ATP1B3: variants seen among roughly 807,000 people sequenced by gnomAD.
The protein encoded by ATP1B3 is sodium/potassium-transporting ATPase subunit beta-3.
In ATP1B3, 10 loss-of-function variants were observed where a neutral mutation model predicts 30.2. That is an observed-to-expected ratio of 0.33 (90% CI 0.20 to 0.56). The LOEUF (loss-of-function observed/expected upper bound fraction) is 0.56. ATP1B3 is among the 20% of genes least tolerant of loss of function. ATP1B3 has a pLI of 0.90. For synonymous variants in ATP1B3, 113 were observed against 117.0 expected (o/e 0.97, Z 0.22); for missense variants, 238 against 336.7 (o/e 0.71, Z 2.29).
Position 141,885,950 on chromosome 3 carries a change from A to T in ATP1B3, c.109+9040A>T, listed in dbSNP as rs190172804. Among the ~76,000 whole-genome samples, 266 of 151,622 alleles carry T rather than the reference A, an allele frequency of 1.8e-3. 2 individuals are homozygous for T. Among genetic ancestry groups the T allele is most frequent in the African/African-American group, 6.1e-3 (254 of 41,338 alleles). On this transcript the variant is annotated intron_variant, in intron 1 of 6. Transcript: ENST00000286371. ...CCCTGTAGTGTTGTTGACCCTGGGG[A>T]AAGTGGGTCTTAACTACTGGTGCAT...
rs767830735 is a variant in ATP1B3 at position 141,903,665 on chromosome 3, C to T, written c.155C>T (p.Ala52Val). 27 of 1,613,930 alleles carry T rather than the reference C, an allele frequency of 1.7e-5. No homozygotes were observed. The African/African-American group carries it at 3.3e-4, about 20-fold the overall frequency. Residue 52 changes from alanine to valine, a missense_variant, in exon 2 of 7, where the codon GCA (alanine) becomes GTA (valine). By Grantham distance (64) the Ala-to-Val change is moderately conservative (BLOSUM62 0). Transcript: ENST00000286371. The stretch of plus-strand genomic sequence containing the variant: ...CTAGTTTTTTATGGGTTCCTGGCTG[C>T]ACTCTTCTCATTCACGATGTGGGTT... ...FYLVFYGFLA[A>V]LFSFTMWVML... is the part of the protein sequence containing the mutation.
At chr3:141,898,323 G>T (rs933563617) in intron 1 of ATP1B3, among the ~76,000 whole-genome samples, 21 of 152,282 alleles carry the variant, frequency 1.4e-4, no homozygotes, top group African/African-American at 5.1e-4. Flanking sequence ...AGGATAACTT[G>T]TGGAATGGGA....
intron 1 of ATP1B3, among the ~76,000 whole-genome samples, chr3:141,885,563 C>T (rs1257085846): frequency 6.6e-6 from 1 of 152,156 alleles, no homozygotes; most frequent in Non-Finnish European, 1.5e-5. Flanking sequence ...ATTCTCCTGT[C>T]TTAGCCTCCC....
At chr3:141,922,096 C>T in intron 6 of ATP1B3, 33 bp downstream of exon 6, 1 of 1,322,042 alleles carries the variant, frequency 7.6e-7, no homozygotes, top group African/African-American at 1.5e-5. Context: ...GTGGTGATTA[C>T]TCTTTTGGGA....
chr3:141,923,894 G>A (rs908782399), intron 6 of ATP1B3, among the ~76,000 whole-genome samples: 4 of 152,232 alleles, frequency 2.6e-5, no homozygotes, highest in Non-Finnish European at 4.4e-5. Context: ...CAAAAGAAAT[G>A]TTGAGTTCTC....
chr3:141,900,593 T>A (rs1934145039), intron 1 of ATP1B3, among the ~76,000 whole-genome samples: 1 of 152,064 alleles, frequency 6.6e-6, no homozygotes, highest in Non-Finnish European at 1.5e-5. Context: ...GAAGTGTGGG[T>A]AGTGGGAGGA....
intron 1 of ATP1B3, among the ~76,000 whole-genome samples, chr3:141,895,335 C>T (rs1482867996): frequency 6.6e-6 from 1 of 151,744 alleles, no homozygotes; most frequent in Non-Finnish European, 1.5e-5. Flanking sequence ...ATTACAGGTG[C>T]CCGCTACCAT....
At chr3:141,898,303 G>T (rs898949743) in intron 1 of ATP1B3, among the ~76,000 whole-genome samples, 5 of 152,092 alleles carry the variant, frequency 3.3e-5, no homozygotes, top group African/African-American at 1.2e-4. Flanking sequence ...AACATTATTA[G>T]GAAAGTAAAA....
chr3:141,917,011 C>T (rs1218601585), intron 5 of ATP1B3, among the ~76,000 whole-genome samples: 2 of 137,400 alleles, frequency 1.5e-5, no homozygotes. Context: ...CAGGCGCTCC[C>T]GGCTAATTTT....
At chr3:141,886,580 A>G (rs1422776163) in intron 1 of ATP1B3, among the ~76,000 whole-genome samples, 3 of 152,244 alleles carry the variant, frequency 2.0e-5, no homozygotes, top group South Asian at 2.1e-4. Context: ...TACTTGATGC[A>G]TCTCAGAATA....
At chr3:141,901,271 C>T (rs762928472) in intron 1 of ATP1B3, among the ~76,000 whole-genome samples, 7 of 152,150 alleles carry the variant, frequency 4.6e-5, no homozygotes, top group African/African-American at 1.4e-4. Flanking sequence ...TAAGTCAGGA[C>T]GCCGCCATTT....
intron 4 of ATP1B3, among the ~76,000 whole-genome samples, 193 bp from the exon 5 acceptor site, chr3:141,915,777 A>T (rs748746732): frequency 6.6e-6 from 1 of 152,184 alleles, no homozygotes; most frequent in Non-Finnish European, 1.5e-5. Flanking sequence ...CAGTAATAAG[A>T]TATCTGATTG....
chr3:141,903,502 T>C, intron 1 of ATP1B3, 118 bp from the exon 2 acceptor site: 1 of 1,441,138 alleles, frequency 6.9e-7, no homozygotes, highest in South Asian at 1.3e-5. Flanking sequence ...GCTATGTGCA[T>C]GGCAAAGCTT....
intron 1 of ATP1B3, among the ~76,000 whole-genome samples, chr3:141,897,394 C>T (rs1197665680): frequency 6.6e-6 from 1 of 152,138 alleles, no homozygotes; most frequent in Non-Finnish European, 1.5e-5. Flanking sequence ...AGAGAAGCAG[C>T]AGATATTATT....
At chr3:141,880,312 A>G (rs1033515959) in intron 1 of ATP1B3, among the ~76,000 whole-genome samples, 1 of 152,204 alleles carries the variant, frequency 6.6e-6, no homozygotes, top group Non-Finnish European at 1.5e-5. Context: ...CAAAATGCTT[A>G]TATACACATA....
At position 141,876,870 on chromosome 3, in the gene ATP1B3, G is replaced by A. The variant is rs144037516; in HGVS notation, c.69G>A (p.Pro23=). 270 of 1,582,068 alleles carry A rather than the reference G, an allele frequency of 1.7e-4. 2 individuals carry two copies. The African/African-American group carries it at 3.5e-3, about 20-fold the overall frequency. ...AGTGGAAGCTCTTCATCTACAACCC[G>A]ACCACCGGAGAATTCCTGGGGCGCA... The part of the protein sequence containing the change: ...LAEWKLFIYN[P]TTGEFLGRTA... The change falls in exon 1 of 7, where the codon CCG becomes CCA. Residue 23 remains proline, a synonymous_variant. Coordinates refer to ENST00000286371, the MANE Select transcript of ATP1B3 (RefSeq NM_001679.4).
intron 1 of ATP1B3, among the ~76,000 whole-genome samples, chr3:141,887,939 AC>A (rs1327892917): frequency 1.3e-5 from 2 of 152,320 alleles, no homozygotes; most frequent in African/African-American, 4.8e-5. Context: ...ACGTGACGGA[AC>A]TTTCAGGGTG....
intron 1 of ATP1B3, among the ~76,000 whole-genome samples, chr3:141,877,715 A>AT (rs1553743038): frequency 1.3e-5 from 2 of 148,684 alleles, no homozygotes; most frequent in African/African-American, 2.5e-5. Flanking sequence ...ATGTTAGCAG[A>AT]TTTTTTCTAT....
chr3:141,893,494 T>G (rs547570991), intron 1 of ATP1B3, among the ~76,000 whole-genome samples: 1 of 152,150 alleles, frequency 6.6e-6, no homozygotes, highest in African/African-American at 2.4e-5. Flanking sequence ...CCCCAATGTC[T>G]CAACAATTTT....
Sources: allele counts gnomAD v4.1 joint callset (sites outside exome capture counted in the v4.1 genomes callset), GRCh38; gene constraint gnomAD v4.1.1; transcripts MANE v1.5; gene names NCBI Gene and HGNC (gene_info 2026-07-23, HGNC 2026-07-21).